SEZ6L: variants seen among roughly 807,000 people sequenced by gnomAD.
The protein encoded by SEZ6L is seizure 6-like protein.
Under a neutral mutation model 106.2 loss-of-function variants are expected in SEZ6L, and 37 were observed. The observed-to-expected ratio is 0.35, with a 90% CI of 0.27 to 0.46. The LOEUF is 0.46. SEZ6L is among the 20% of genes least tolerant of loss of function. SEZ6L has a pLI of 1.00. For missense variants in SEZ6L, 1,172 were observed against 1,332.8 expected (o/e 0.88, Z 1.88); for synonymous variants, 541 against 570.4 (o/e 0.95, Z 0.73).
intron 1 of SEZ6L, among the ~76,000 whole-genome samples, chr22:26,191,697 T>C (rs144121772): frequency 2.2e-3 from 332 of 152,296 alleles, no homozygotes; most frequent in African/African-American, 7.8e-3. Flanking sequence ...GGCACATGTT[T>C]ACCTATGTAA....
intron 1 of SEZ6L, among the ~76,000 whole-genome samples, chr22:26,186,900 G>A (rs1007455875): frequency 2.6e-5 from 4 of 152,116 alleles, no homozygotes; most frequent in African/African-American, 9.7e-5. Context: ...GGATTTTTGG[G>A]TTGGATAATG....
chr22:26,213,738 A>C (rs188991382), intron 1 of SEZ6L, among the ~76,000 whole-genome samples: 2 of 152,264 alleles, frequency 1.3e-5, no homozygotes, highest in Admixed American at 1.3e-4. Context: ...AGACAAGCCT[A>C]AGCAAGACCC....
At chr22:26,329,121 A>G (rs2082404638) in intron 9 of SEZ6L, among the ~76,000 whole-genome samples, 1 of 152,124 alleles carries the variant, frequency 6.6e-6, no homozygotes, top group Non-Finnish European at 1.5e-5. Context: ...TTGGAGAGAA[A>G]CAGAGAGGAA....
chr22:26,208,408 A>C (rs1941399137), intron 1 of SEZ6L, among the ~76,000 whole-genome samples: 1 of 152,170 alleles, frequency 6.6e-6, no homozygotes, highest in South Asian at 2.1e-4. Context: ...CTTTTATCTG[A>C]ATATGCCGTT....
At chr22:26,292,326 A>C (rs11702954) in intron 1 of SEZ6L, 80 bp from the exon 2 acceptor site, 65,174 of 1,181,152 alleles carry the variant, frequency 0.055, 2,020 homozygotes, top group Non-Finnish European at 0.066. Context: ...CGCCCTTAGG[A>C]GGGCCACCCT....
At chr22:26,191,700 C>G (rs1940232754) in intron 1 of SEZ6L, among the ~76,000 whole-genome samples, 1 of 152,150 alleles carries the variant, frequency 6.6e-6, no homozygotes, top group East Asian at 1.9e-4. Context: ...ACATGTTTAC[C>G]TATGTAACAA....
intron 1 of SEZ6L, among the ~76,000 whole-genome samples, chr22:26,281,110 T>C (rs962003682): frequency 6.6e-6 from 1 of 152,170 alleles, no homozygotes; most frequent in Non-Finnish European, 1.5e-5. Context: ...GGCTGTTGGA[T>C]AAGGAGGGCT....
intron 1 of SEZ6L, among the ~76,000 whole-genome samples, chr22:26,185,848 G>A (rs1939740851): frequency 6.6e-6 from 1 of 152,072 alleles, no homozygotes; most frequent in Admixed American, 6.6e-5. Flanking sequence ...GATCCTGCAT[G>A]CATATCTGTG....
At chr22:26,297,467 G>A (rs192772629) in intron 4 of SEZ6L, among the ~76,000 whole-genome samples, 1 of 152,220 alleles carries the variant, frequency 6.6e-6, no homozygotes, top group African/African-American at 2.4e-5. Flanking sequence ...AAAGTCACAG[G>A]TTCTACTACA....
At chr22:26,213,042 G>T (rs2078204917) in intron 1 of SEZ6L, among the ~76,000 whole-genome samples, 1 of 152,198 alleles carries the variant, frequency 6.6e-6, no homozygotes, top group Admixed American at 6.5e-5. Flanking sequence ...TGTGCATCCA[G>T]GAGGGCTGGG....
At chr22:26,174,120 TC>T in intron 1 of SEZ6L, among the ~76,000 whole-genome samples, 1 of 152,260 alleles carries the variant, frequency 6.6e-6, no homozygotes, top group Non-Finnish European at 1.5e-5. Flanking sequence ...ACTACTACCA[TC>T]CGTGCCATGT....
At chr22:26,208,904 GTA>G (rs1008233176) in intron 1 of SEZ6L, among the ~76,000 whole-genome samples, 36 of 97,362 alleles carry the variant, frequency 3.7e-4, no homozygotes, top group South Asian at 1.0e-3. Context: ...GTGTGTGTGT[GTA>G]ATGTTTTGAT....
chr22:26,377,860 T>TCTTGTGAGCAATAGGAA, intron 16 of SEZ6L, 85 bp downstream of exon 16: 1 of 1,070,280 alleles, frequency 9.3e-7, no homozygotes, highest in Non-Finnish European at 1.4e-6. Context: ...TTTCATTTCC[T>TCTTGTGAGCAATAGGAA]ATTGCTCACA....
rs149043948 is a variant in SEZ6L, at chr22:26,315,470, C to A, written c.2015+1568C>A. ...CTCCAGCCTGGGTGACAGAGTAAGA[C>A]CTTGTCTCAAAAAAAAAAGAAGTGT... On this transcript the variant is annotated intron_variant, in intron 9 of 16. Coordinates refer to ENST00000248933, the MANE Select transcript of SEZ6L (RefSeq NM_021115.5). Among the ~76,000 whole-genome samples the A allele has an allele frequency of 6.5e-3, 994 of 151,962 alleles. 19 individuals are homozygous for A. Among genetic ancestry groups the A allele is most frequent in the East Asian group, 0.059 (304 of 5,156 alleles).
chr22:26,268,865 G>A (rs2080272308), intron 1 of SEZ6L, among the ~76,000 whole-genome samples: 1 of 152,164 alleles, frequency 6.6e-6, no homozygotes, highest in Admixed American at 6.5e-5. Context: ...CAGAAAGCAA[G>A]ATGTGTCTGA....
intron 13 of SEZ6L, among the ~76,000 whole-genome samples, chr22:26,366,086 C>T (rs1447138254): frequency 3.3e-5 from 5 of 152,266 alleles, no homozygotes. Flanking sequence ...AATCCCAACA[C>T]TTTGGGAGGC....
intron 1 of SEZ6L, among the ~76,000 whole-genome samples, chr22:26,177,811 T>A (rs1026907723): frequency 3.3e-5 from 5 of 152,282 alleles, no homozygotes; most frequent in Admixed American, 3.3e-4. Flanking sequence ...TTGGTGTCTG[T>A]AATATTAATC....
At chr22:26,324,244 T>G (rs536296071) in intron 9 of SEZ6L, among the ~76,000 whole-genome samples, 7 of 152,176 alleles carry the variant, frequency 4.6e-5, no homozygotes, top group Non-Finnish European at 1.0e-4. Context: ...TACATCCATC[T>G]CTGCAGGGAA....
chr22:26,380,414 A>T lies in SEZ6L; in HGVS notation c.*119A>T. On this transcript the variant is annotated 3_prime_UTR_variant, in exon 17 of 17. Transcript: ENST00000248933. ...AGAATGTCGACTGTCTTTTGTTTAG[A>T]CTCTTTATCAAAGGTTTACTGTTTT... The T allele has an allele frequency of 9.3e-6, 7 of 749,954 alleles. No individual in the cohort carries two copies. The highest frequency in any genetic ancestry group is 2.5e-5 in the East Asian group (1 of 39,930). 46.5% of individuals were successfully genotyped at this position (749,954 alleles called of 1,614,324 possible).
Sources: gnomAD v4.1 joint callset for allele counts (sites outside exome capture counted in the v4.1 genomes callset) on GRCh38, gnomAD v4.1.1 for gene constraint, MANE v1.5 for transcripts, NCBI Gene and HGNC (gene_info 2026-07-23, HGNC 2026-07-21) for gene names.